The following ARHGEF7 variants were observed in gnomAD, a reference collection of about 807,000 sequenced individuals.
ARHGEF7 encodes Rho guanine nucleotide exchange factor 7.
Under a neutral mutation model 109.8 loss-of-function variants are expected in ARHGEF7, and 33 were observed. That is an observed-to-expected ratio of 0.30 (90% CI 0.23 to 0.40). The LOEUF (loss-of-function observed/expected upper bound fraction) is 0.40. ARHGEF7 is among the 10% of genes least tolerant of loss of function. The pLI, the probability that ARHGEF7 is intolerant of heterozygous loss-of-function variation, is 1.00. For missense variants in ARHGEF7, 938 were observed against 1,098.5 expected, an observed-to-expected ratio of 0.85 and a Z score of 2.07; for synonymous variants, 458 against 424.6, an observed-to-expected ratio of 1.08 and a Z score of -0.97.
At chr13:111,280,751 C>G (rs2296353) in intron 15 of ARHGEF7, 74 bp downstream of exon 15, 423,798 of 1,356,142 alleles carry the variant, frequency 0.31, 72,189 homozygotes, top group East Asian at 0.73. Context: ...AGCAAGTGAT[C>G]AGTTGCTTTA....
intron 9 of ARHGEF7, among the ~76,000 whole-genome samples, chr13:111,267,949 C>A (rs1441287420): frequency 1.3e-5 from 2 of 152,172 alleles, no homozygotes; most frequent in Admixed American, 1.3e-4. Context: ...GGTGTAGCCA[C>A]AAGCTTAGTC....
At chr13:111,259,074 C>T (rs1440081322) in intron 8 of ARHGEF7, among the ~76,000 whole-genome samples, 1 of 152,172 alleles carries the variant, frequency 6.6e-6, no homozygotes, top group African/African-American at 2.4e-5. Context: ...TAGAATAGTG[C>T]ACCAGCTAGA....
In ARHGEF7 at chr13:111,239,716, C is replaced by T. The variant is rs1424390720; in HGVS notation, c.760-4156C>T. Reference sequence around the variant, plus strand: ...TGGGATCCCCTCTTTTCCTGGGCGGCGAGGTGCCTGCTGGCTTCTTTCACA... The same window carrying T: ...TGGGATCCCCTCTTTTCCTGGGCGGTGAGGTGCCTGCTGGCTTCTTTCACA... On this transcript the variant is annotated intron_variant, in intron 6 of 21. Coordinates refer to ENST00000646102, the MANE Select transcript of ARHGEF7 (RefSeq NM_001354046.2). The surrounding 1 kb of genome is among the most constrained non-coding windows in gnomAD (Gnocchi z 4.3). 6.6e-6 allele frequency among the ~76,000 whole-genome samples: 1 copy of T among 151,912 alleles called. No homozygotes were observed. Among genetic ancestry groups the T allele is most frequent in the African/African-American group, 2.4e-5 (1 of 41,320 alleles).
chr13:111,159,137 A>G (rs965194610), intron 2 of ARHGEF7: 1 of 712,716 alleles, frequency 1.4e-6, no homozygotes, highest in Non-Finnish European at 2.6e-6. Flanking sequence ...ATCGTGCAGT[A>G]TTTGTCTTTT....
intron 1 of ARHGEF7, among the ~76,000 whole-genome samples, chr13:111,146,678 C>T (rs1008058966): frequency 3.3e-5 from 5 of 152,150 alleles, no homozygotes; most frequent in Non-Finnish European, 7.3e-5. Flanking sequence ...CAAACTCTTT[C>T]AAAGTTTGAG....
At chr13:111,199,351 T>C (rs1365460835) in intron 2 of ARHGEF7, among the ~76,000 whole-genome samples, 2 of 151,916 alleles carry the variant, frequency 1.3e-5, no homozygotes, top group Non-Finnish European at 2.9e-5. Context: ...TTTTGTCTGC[T>C]GAAGCCTTTT....
chr13:111,201,040 C>T (rs752687622), intron 2 of ARHGEF7, among the ~76,000 whole-genome samples: 1 of 152,158 alleles, frequency 6.6e-6, no homozygotes, highest in African/African-American at 2.4e-5. Context: ...AAAAACCATG[C>T]CCTTGGTCGT....
chr13:111,209,808 G>A (rs2082282411), intron 3 of ARHGEF7, 64 bp from the exon 4 acceptor site: 1 of 1,581,626 alleles, frequency 6.3e-7, no homozygotes, highest in East Asian at 2.2e-5. Flanking sequence ...AGTCTAGTGT[G>A]TAGTGTGGGT....
chr13:111,136,939 A>G (rs531342475), intron 1 of ARHGEF7, among the ~76,000 whole-genome samples: 3 of 152,344 alleles, frequency 2.0e-5, no homozygotes, highest in South Asian at 2.1e-4. Context: ...CAGAAATGCA[A>G]ACTACCATCA....
intron 5 of ARHGEF7, among the ~76,000 whole-genome samples, chr13:111,219,302 A>G (rs1189597042): frequency 6.6e-6 from 1 of 152,158 alleles, no homozygotes; most frequent in Non-Finnish European, 1.5e-5. Flanking sequence ...AAAGTGCTGG[A>G]GGGTTTTCCA....
intron 1 of ARHGEF7, among the ~76,000 whole-genome samples, chr13:111,121,733 C>T (rs2067215403): frequency 6.6e-6 from 1 of 152,200 alleles, no homozygotes; most frequent in African/African-American, 2.4e-5. Flanking sequence ...CACTGGGAGA[C>T]CCGGTCCTCT....
chr13:111,207,937 T>C (rs1043611395), intron 3 of ARHGEF7, among the ~76,000 whole-genome samples: 3 of 152,272 alleles, frequency 2.0e-5, no homozygotes, highest in Non-Finnish European at 4.4e-5. Flanking sequence ...CTTGGTACTT[T>C]TAAGCTTTTA....
intron 2 of ARHGEF7, among the ~76,000 whole-genome samples, chr13:111,161,973 C>T (rs9583584): frequency 1.3e-5 from 2 of 152,286 alleles, no homozygotes; most frequent in East Asian, 1.9e-4. Flanking sequence ...GAACAGTGGA[C>T]TGTGCAATGG....
rs1221423339 is a variant in ARHGEF7, at chr13:111,145,986, C to T, written c.166-7919C>T. Among the ~76,000 whole-genome samples the T allele has an allele frequency of 6.6e-6, 1 of 152,182 alleles. No individual in the cohort carries two copies. Among genetic ancestry groups the T allele is most frequent in the Non-Finnish European group, 1.5e-5 (1 of 68,030 alleles). On this transcript the variant is annotated intron_variant, in intron 1 of 21. Coordinates refer to ENST00000646102, the MANE Select transcript of ARHGEF7 (RefSeq NM_001354046.2). This position sits in a 1 kb window ranked among gnomAD's most constrained non-coding sequence, Gnocchi z 4.3. Reference sequence around the variant, plus strand: ...AGTTAGGTCATTTAGTGCACAGTTGCTGACTGTTTAACATGAGACATCGGT... The same window carrying T: ...AGTTAGGTCATTTAGTGCACAGTTGTTGACTGTTTAACATGAGACATCGGT...
chr13:111,145,232 C>T lies in ARHGEF7; in HGVS notation c.166-8673C>T, dbSNP rs182548693. Among the ~76,000 whole-genome samples the T allele has an allele frequency of 2.9e-3, 434 of 152,204 alleles. 3 individuals are homozygous for T. The highest frequency in any genetic ancestry group is 2.8e-3 in the Non-Finnish European group (189 of 68,026). On this transcript the variant is annotated intron_variant, in intron 1 of 21. Coordinates refer to ENST00000646102, the MANE Select transcript of ARHGEF7 (RefSeq NM_001354046.2). The surrounding 1 kb of genome is among the most constrained non-coding windows in gnomAD (Gnocchi z 4.3). ...ATCTGTCCTCTAGATTGTTTCCAAT[C>T]GTTTGCCATTACATTGTGTTCTAAT...
chr13:111,231,456 CAGTG>C (rs1365038193), intron 5 of ARHGEF7, among the ~76,000 whole-genome samples: 3 of 152,118 alleles, frequency 2.0e-5, no homozygotes, highest in African/African-American at 4.8e-5. Flanking sequence ...AAGTACTTAA[CAGTG>C]AGGCATTGAA....
intron 2 of ARHGEF7, among the ~76,000 whole-genome samples, chr13:111,179,120 C>G (rs1159681650): frequency 1.3e-5 from 2 of 151,284 alleles, no homozygotes; most frequent in Admixed American, 6.6e-5. Context: ...GCTTTGTCAC[C>G]TAGGTTGGAG....
rs753597326 is a variant in ARHGEF7, at chr13:111,280,252, TG to T, written c.1507-11del. The T allele has an allele frequency of 1.9e-3, 2,677 of 1,408,760 alleles. No homozygotes were observed. Among genetic ancestry groups the T allele is most frequent in the East Asian group, 5.8e-3 (234 of 40,374 alleles). 87.3% of individuals were successfully genotyped at this position (1,408,760 alleles called of 1,614,324 possible). ...AAAGCACTAATTGTTTTTTTTTTTG[TG>T]GGGGGGGGTCTTTTTTAGGGAAAGC... On this transcript the variant is annotated intron_variant, in intron 13 of 21. Transcript: ENST00000646102.
chr13:111,216,241 A>G (rs1288583759), intron 4 of ARHGEF7, among the ~76,000 whole-genome samples: 1 of 151,510 alleles, frequency 6.6e-6, no homozygotes, highest in Non-Finnish European at 1.5e-5. Flanking sequence ...AAGTTCTTTT[A>G]TTTCCCACAA....
Sources: gnomAD v4.1 joint callset for allele counts (sites outside exome capture counted in the v4.1 genomes callset) on GRCh38, gnomAD v4.1.1 for gene constraint, Gnocchi (gnomAD v3.1) non-coding constraint, MANE v1.5 for transcripts, NCBI Gene and HGNC (gene_info 2026-07-23, HGNC 2026-07-21) for gene names.